EGLN1: variants seen among roughly 807,000 people sequenced by gnomAD.
EGLN1 encodes the protein egl-9 family hypoxia inducible factor 1.
In EGLN1, 17 loss-of-function variants were observed where a neutral mutation model predicts 38.3. The ratio of observed to expected loss-of-function variants is 0.44; its 90% CI spans 0.30 to 0.67. EGLN1 has a LOEUF of 0.67. Among genes scored for constraint, EGLN1 ranks in the 30% least tolerant of loss-of-function variants. EGLN1 has a pLI of 0.08. For missense variants in EGLN1, 477 were observed against 603.3 expected (o/e 0.79, Z 2.19); for synonymous variants, 283 against 257.5 (o/e 1.10, Z -0.95).
intron 1 of EGLN1, among the ~76,000 whole-genome samples, chr1:231,404,823 G>A (rs141808416): frequency 4.6e-5 from 7 of 152,230 alleles, no homozygotes; most frequent in African/African-American, 1.7e-4. Context: ...GGCATGAGGA[G>A]AGAAAGATTT....
At chr1:231,391,089 T>TC (rs1558387126) in intron 1 of EGLN1, among the ~76,000 whole-genome samples, 4 of 44,798 alleles carry the variant, frequency 8.9e-5, no homozygotes, top group Admixed American at 2.3e-4. Flanking sequence ...TTCTGTTTTT[T>TC]TTTTGTGTGT....
chr1:231,394,716 G>A (rs1009441935), intron 1 of EGLN1, among the ~76,000 whole-genome samples: 8 of 151,870 alleles, frequency 5.3e-5, no homozygotes, highest in Admixed American at 3.9e-4. Context: ...TCACTAGATG[G>A]AGATATTTTC....
At chr1:231,412,449 T>C (rs528526409) in intron 1 of EGLN1, among the ~76,000 whole-genome samples, 1 of 152,360 alleles carries the variant, frequency 6.6e-6, no homozygotes, top group South Asian at 2.1e-4. Context: ...CAATTTTCTC[T>C]AATGTTCCCC....
At chr1:231,405,196 G>A (rs946711320) in intron 1 of EGLN1, among the ~76,000 whole-genome samples, 18 of 152,000 alleles carry the variant, frequency 1.2e-4, no homozygotes, top group African/African-American at 4.1e-4. Flanking sequence ...TTTTTGAGAC[G>A]GAGTCTTGTT....
intron 1 of EGLN1, among the ~76,000 whole-genome samples, chr1:231,386,398 T>C (rs970798081): frequency 6.6e-6 from 1 of 152,210 alleles, no homozygotes. Flanking sequence ...TTTGCATCCA[T>C]ACCACTGCGG....
At chr1:231,371,102 C>T (rs1245913724) in intron 2 of EGLN1, among the ~76,000 whole-genome samples, 1 of 152,156 alleles carries the variant, frequency 6.6e-6, no homozygotes, top group Non-Finnish European at 1.5e-5. Flanking sequence ...GTTGGCCAGG[C>T]TGGACTCGAA....
chr1:231,374,782 G>T (rs1572021041), intron 1 of EGLN1, among the ~76,000 whole-genome samples: 1 of 151,874 alleles, frequency 6.6e-6, no homozygotes, highest in African/African-American at 2.4e-5. Context: ...TAGTGTCAGT[G>T]ATTTTTTTTT....
rs543188509 is a variant in EGLN1 at position 231,390,304 on chromosome 1, G to A, written c.892-16205C>T. On this transcript the variant is annotated intron_variant, in intron 1 of 4. Transcript: ENST00000366641. ...GGGTATCACTATCTACCTCACAGGG[G>A]TATGAATCAAATAAGACAATACAGG... Among the ~76,000 whole-genome samples, 21 of 152,272 alleles carry A rather than the reference G, an allele frequency of 1.4e-4. No individual in the cohort carries two copies. In the South Asian group the frequency reaches 4.4e-3, roughly 32 times the overall value.
At chr1:231,393,953 C>T (rs993823931) in intron 1 of EGLN1, among the ~76,000 whole-genome samples, 4 of 152,202 alleles carry the variant, frequency 2.6e-5, no homozygotes, top group Admixed American at 6.5e-5. Flanking sequence ...GAATTTTCCT[C>T]TCCCTGTGGA....
chr1:231,393,763 C>A (rs1558388387), intron 1 of EGLN1, among the ~76,000 whole-genome samples: 2 of 152,158 alleles, frequency 1.3e-5, no homozygotes, highest in Non-Finnish European at 2.9e-5. Flanking sequence ...TCATCACACC[C>A]TCTGCCTTTC....
In EGLN1 at chr1:231,421,159, T is replaced by A; in HGVS notation, c.730A>T (p.Lys244Ter). The A allele has an allele frequency of 6.2e-7, 1 of 1,614,172 alleles. No individual in the cohort carries two copies. Among genetic ancestry groups the A allele is most frequent in the Non-Finnish European group, 8.5e-7 (1 of 1,180,016 alleles). Reference sequence around the variant, plus strand: ...CGGATGTCCTTGGACGAGTCACTCTTCTGGCTGACCAGCTGCCCGTCCGTG... The same window carrying A: ...CGGATGTCCTTGGACGAGTCACTCTACTGGCTGACCAGCTGCCCGTCCGTG... ...KFTDGQLVSQKSDSSKDIRGD... is the reference protein window; with the variant it reads ...KFTDGQLVSQ Residue 244 changes from lysine (K) to a stop codon, truncating the protein, a stop_gained, in exon 1 of 5, where the codon AAG becomes TAG. Transcript: ENST00000366641. LOFTEE classifies it high-confidence loss of function. This position sits in a 1 kb window ranked among gnomAD's most constrained non-coding sequence, Gnocchi z 5.5.
chr1:231,394,410 G>A (rs1213852729), intron 1 of EGLN1, among the ~76,000 whole-genome samples: 1 of 139,874 alleles, frequency 7.1e-6, no homozygotes, highest in East Asian at 2.1e-4. Context: ...ACGGAGTCTC[G>A]CTCTGTTGCC....
At chr1:231,378,110 G>A (rs752003100) in intron 1 of EGLN1, among the ~76,000 whole-genome samples, 33 of 152,104 alleles carry the variant, frequency 2.2e-4, no homozygotes, top group Admixed American at 6.5e-5. Flanking sequence ...TGAAAAATGA[G>A]GAGAAAGGAA....
chr1:231,396,510 C>T (rs558560625), intron 1 of EGLN1, among the ~76,000 whole-genome samples: 21 of 152,138 alleles, frequency 1.4e-4, no homozygotes, highest in Non-Finnish European at 2.2e-4. Flanking sequence ...CCTCAGCCTC[C>T]CAAAGTGCTG....
intron 1 of EGLN1, among the ~76,000 whole-genome samples, chr1:231,396,980 A>G (rs2790883): frequency 0.54 from 82,608 of 151,734 alleles, 24,071 homozygotes; most frequent in Non-Finnish European, 0.65. Flanking sequence ...CTTTTGCTTC[A>G]ATTCCTGTTA....
At chr1:231,420,197 G>T (rs1656527076) in intron 1 of EGLN1, 1 of 152,164 alleles carries the variant, frequency 6.6e-6, no homozygotes, top group Non-Finnish European at 1.5e-5. Flanking sequence ...GATAAAACGA[G>T]CCCTCCTGCG....
In EGLN1 at chr1:231,364,259, A is replaced by G. The variant is rs759209798; in HGVS notation, c.*2152T>C. The stretch of plus-strand genomic sequence containing the variant: ...AATGACAACAGGGGCTCCCAAATTA[A>G]AAGGCTGTGGCTGTACATTTTGACA... On this transcript the variant is annotated 3_prime_UTR_variant, in exon 5 of 5. Coordinates refer to ENST00000366641, the MANE Select transcript of EGLN1 (RefSeq NM_022051.3). 1.3e-5 allele frequency: 2 copies of G among 152,254 alleles called. No individual in the cohort carries two copies. Among genetic ancestry groups the G allele is most frequent in the African/African-American group, 2.4e-5 (1 of 41,462 alleles). The allele number at this position is 152,254 out of a possible 1,614,324, so 9.4% of individuals were successfully genotyped here. A position where few individuals can be genotyped will look rare whatever the true frequency, so the allele number is the denominator to read the frequency against.
Position 231,370,634 on chromosome 1 carries a change from T to A in EGLN1, c.1076A>T (p.Lys359Ile). ...CCAGAAAAACAGCAGTCTATCAAAT[T>A]TGGGTTCAATGTCAGCAAACTGGGC... ...GKAQFADIEPKFDRLLFFWSD... is the reference protein window; with the variant it reads ...GKAQFADIEPIFDRLLFFWSD... Residue 359 changes from lysine (K) to isoleucine (I), a missense_variant, in exon 3 of 5, where the codon AAA (lysine) becomes ATA (isoleucine). This residue lies in a region of EGLN1 where 59 missense variants were observed against 119.0 expected (regional missense o/e 0.50). Coordinates refer to ENST00000366641, the MANE Select transcript of EGLN1 (RefSeq NM_022051.3). 6.2e-7 allele frequency: 1 copy of A among 1,614,078 alleles called. No individual in the cohort carries two copies. The highest frequency in any genetic ancestry group is 8.5e-7 in the Non-Finnish European group (1 of 1,180,002).
At chr1:231,380,164 A>T (rs1255726986) in intron 1 of EGLN1, among the ~76,000 whole-genome samples, 2 of 152,186 alleles carry the variant, frequency 1.3e-5, no homozygotes, top group African/African-American at 4.8e-5. Flanking sequence ...AAGGGAGTAC[A>T]GAGAGAAGAG....
Sources: gnomAD v4.1 joint callset for allele counts (sites outside exome capture counted in the v4.1 genomes callset) on GRCh38, gnomAD v4.1.1 for gene constraint, gnomAD v4.1.1 regional missense constraint, Gnocchi (gnomAD v3.1) non-coding constraint, MANE v1.5 for transcripts, NCBI Gene and HGNC (gene_info 2026-07-23, HGNC 2026-07-21) for gene names.